The following GRM8 variants were observed in gnomAD, a reference collection of about 807,000 sequenced individuals.
GRM8 encodes the protein glutamate metabotropic receptor 8, also known as metabotropic glutamate receptor 8.
Under a neutral mutation model 87.2 loss-of-function variants are expected in GRM8, and 47 were observed. The ratio of observed to expected loss-of-function variants is 0.54; its 90% CI spans 0.43 to 0.69. The LOEUF (loss-of-function observed/expected upper bound fraction) is 0.69, where lower values mean the gene tolerates loss of function less well. Ranked by LOEUF, GRM8 falls within the 30% of genes least tolerant of loss-of-function variation. GRM8 has a pLI of 0.00. For synonymous variants in GRM8, 396 were observed against 404.5 expected, an observed-to-expected ratio of 0.98 and a Z score of 0.25; for missense variants, 1,019 against 1,139.2, an observed-to-expected ratio of 0.89 and a Z score of 1.52.
intron 8 of GRM8, among the ~76,000 whole-genome samples, chr7:126,575,967 G>A (rs117357702): frequency 2.0e-5 from 3 of 152,226 alleles, no homozygotes; most frequent in Non-Finnish European, 4.4e-5. Context: ...GAGGCTGATG[G>A]AGGCAACCAC....
In GRM8 at chr7:127,252,940, C is replaced by G. The variant is rs369890238; in HGVS notation, c.-455G>C. 6 of 168,754 alleles carry G rather than the reference C, an allele frequency of 3.6e-5. No homozygotes were observed. Among genetic ancestry groups the G allele is most frequent in the African/African-American group, 1.2e-4 (5 of 41,602 alleles). 10.5% of individuals were successfully genotyped at this position (168,754 alleles called of 1,614,324 possible). A position where few individuals can be genotyped will look rare whatever the true frequency, so the allele number is the denominator to read the frequency against. On this transcript the variant is annotated 5_prime_UTR_variant, in exon 1 of 11. Coordinates refer to ENST00000339582, the MANE Select transcript of GRM8 (RefSeq NM_000845.3). The surrounding 1 kb of genome is among the most constrained non-coding windows in gnomAD (Gnocchi z 4.9). ...TGATCTCTGGGCTGAGGGGGCTGAG[C>G]TGGCCTAGCAGGCGCCAAGTCTCTT...
intron 8 of GRM8, among the ~76,000 whole-genome samples, chr7:126,579,844 G>A (rs2151008617): frequency 6.6e-6 from 1 of 152,166 alleles, no homozygotes; most frequent in Middle Eastern, 3.4e-3. Flanking sequence ...GTTAATCAAT[G>A]TTATAGAAAA....
At chr7:126,508,640 A>G (rs1810860904) in intron 9 of GRM8, among the ~76,000 whole-genome samples, 2 of 152,210 alleles carry the variant, frequency 1.3e-5, no homozygotes, top group African/African-American at 4.8e-5. Context: ...AGCTTATTTC[A>G]GCAGAAGCAA....
intron 6 of GRM8, among the ~76,000 whole-genome samples, chr7:126,780,435 A>G (rs1819936337): frequency 6.7e-6 from 1 of 148,858 alleles, no homozygotes; most frequent in South Asian, 2.1e-4. Flanking sequence ...ATAAGATGAT[A>G]TTATTATTAT....
intron 6 of GRM8, among the ~76,000 whole-genome samples, chr7:126,808,307 A>G (rs961632642): frequency 5.3e-5 from 8 of 152,160 alleles, no homozygotes; most frequent in African/African-American, 1.2e-4. Flanking sequence ...CCCATCACCT[A>G]CCGAAAAGGA....
rs1798932226 is a variant in GRM8, at chr7:127,252,584, A to G, written c.-312+213T>C. ...CATCTACTTGTGCTCAGGAAAAACA[A>G]ATCACTAGAGTGATATGAGAAGGAA... On this transcript the variant is annotated intron_variant, in intron 1 of 10. Coordinates refer to ENST00000339582, the MANE Select transcript of GRM8 (RefSeq NM_000845.3). The surrounding 1 kb of genome is among the most constrained non-coding windows in gnomAD (Gnocchi z 4.9). Among the ~76,000 whole-genome samples, 1 of 152,134 alleles carries G rather than the reference A, an allele frequency of 6.6e-6. No homozygotes were observed.
At chr7:126,999,244 AG>A (rs759401434) in intron 3 of GRM8, among the ~76,000 whole-genome samples, 1 of 152,012 alleles carries the variant, frequency 6.6e-6, no homozygotes, top group African/African-American at 2.4e-5. Flanking sequence ...TCAAATCAAA[AG>A]GGATTAAAAA....
intron 9 of GRM8, among the ~76,000 whole-genome samples, chr7:126,457,584 A>G (rs1803398232): frequency 6.6e-6 from 1 of 151,566 alleles, no homozygotes; most frequent in Admixed American, 6.6e-5. Context: ...AAAATTAAAC[A>G]ATACATTTCT....
intron 6 of GRM8, among the ~76,000 whole-genome samples, chr7:126,831,108 C>T (rs1414921421): frequency 6.6e-6 from 1 of 152,198 alleles, no homozygotes; most frequent in Non-Finnish European, 1.5e-5. Context: ...TGTCAGTCTG[C>T]CCCTACTGGG....
chr7:127,232,237 G>GAC (rs1281027249), intron 2 of GRM8, among the ~76,000 whole-genome samples: 29,415 of 139,836 alleles, frequency 0.21, 3,641 homozygotes, highest in Middle Eastern at 0.3. Context: ...GAGAGAGAGA[G>GAC]AGACAGACAG....
intron 3 of GRM8, among the ~76,000 whole-genome samples, chr7:127,023,374 C>T (rs532147550): frequency 6.6e-6 from 1 of 152,006 alleles, no homozygotes; most frequent in Non-Finnish European, 1.5e-5. Flanking sequence ...CTTATTATGG[C>T]AAAACCTATT....
intron 8 of GRM8, among the ~76,000 whole-genome samples, chr7:126,569,502 A>C (rs1054890452): frequency 3.9e-5 from 6 of 152,202 alleles, no homozygotes; most frequent in Admixed American, 2.6e-4. Context: ...CTTTGTGTCC[A>C]CATCAGAGCT....
chr7:126,584,816 CT>C (rs1283443039), intron 8 of GRM8, among the ~76,000 whole-genome samples: 2 of 151,694 alleles, frequency 1.3e-5, no homozygotes, highest in Non-Finnish European at 2.9e-5. Context: ...TTAAAAGCAT[CT>C]TTTAATACAT....
chr7:126,635,727 A>T (rs1015524490), intron 7 of GRM8, among the ~76,000 whole-genome samples: 18 of 152,264 alleles, frequency 1.2e-4, no homozygotes, highest in African/African-American at 4.1e-4. Context: ...CAGGTGGCAT[A>T]CCTGTTCTTT....
intron 9 of GRM8, among the ~76,000 whole-genome samples, chr7:126,520,249 A>T (rs1358204534): frequency 6.6e-6 from 1 of 152,132 alleles, no homozygotes; most frequent in African/African-American, 2.4e-5. Flanking sequence ...AGGTTTTATT[A>T]TTCTAAAAAG....
intron 3 of GRM8, among the ~76,000 whole-genome samples, chr7:127,050,812 T>C (rs1819394906): frequency 6.6e-6 from 1 of 152,216 alleles, no homozygotes; most frequent in Admixed American, 6.5e-5. Context: ...GATTACACCA[T>C]AAAGATAAGA....
At chr7:126,778,122 G>A (rs1489035684) in intron 6 of GRM8, among the ~76,000 whole-genome samples, 2 of 152,136 alleles carry the variant, frequency 1.3e-5, no homozygotes, top group East Asian at 3.8e-4. Context: ...AGTAATTTGA[G>A]CCACTACCTT....
rs144278224 is a variant in GRM8, at chr7:126,525,314, CT to C, written c.2430+7637del. 2.6e-4 allele frequency among the ~76,000 whole-genome samples: 40 copies of C among 152,324 alleles called. 1 individual carries two copies. In the East Asian group the frequency reaches 7.3e-3, roughly 28 times the overall value. On this transcript the variant is annotated intron_variant, in intron 9 of 10. Coordinates refer to ENST00000339582, the MANE Select transcript of GRM8 (RefSeq NM_000845.3). ...GGTAGAGCTGTATTTCCTATTCCCCCTGGCCATATCTGAAATAAAATCACTT... is the reference window on the plus strand; with the variant it reads ...GGTAGAGCTGTATTTCCTATTCCCCCGGCCATATCTGAAATAAAATCACTT...
chr7:126,736,052 G>T (rs567508311), intron 7 of GRM8, among the ~76,000 whole-genome samples: 2 of 152,146 alleles, frequency 1.3e-5, no homozygotes, highest in African/African-American at 4.8e-5. Flanking sequence ...GCTGATGTAA[G>T]CTCTGGGTAC....
Sources: allele counts gnomAD v4.1 joint callset (sites outside exome capture counted in the v4.1 genomes callset), GRCh38; gene constraint gnomAD v4.1.1; non-coding constraint Gnocchi (gnomAD v3.1); transcripts MANE v1.5; gene names NCBI Gene and HGNC (gene_info 2026-07-23, HGNC 2026-07-21).